Variants in CHLSN observed in about 807,000 individuals in gnomAD.
The protein encoded by CHLSN is cholesin, also known as protein cholesin.
At chr7:1,113,093 T>TGCAGGGCGCAC in the CHLSN span, among the ~76,000 whole-genome samples, 1 of 152,070 alleles carries the variant, frequency 6.6e-6, no homozygotes, top group Non-Finnish European at 1.5e-5. Flanking sequence ...CTGGAAAAAC[T>TGCAGGGCGCAC]GCAGGGCGCA....
chr7:1,107,521 C>T, the CHLSN span, among the ~76,000 whole-genome samples: 3 of 152,216 alleles, frequency 2.0e-5, no homozygotes, highest in African/African-American at 4.8e-5. Context: ...TCACAGAATT[C>T]GCCGTGGCTT....
At chr7:997,924 G>A in the CHLSN span, 2 of 914,414 alleles carry the variant, frequency 2.2e-6, no homozygotes, top group Non-Finnish European at 3.3e-6. Flanking sequence ...TCCCACTGCG[G>A]CCCGAGGGTG....
chr7:998,529 C>T, the CHLSN span, among the ~76,000 whole-genome samples: 1 of 143,432 alleles, frequency 7.0e-6, no homozygotes, highest in African/African-American at 2.6e-5. Context: ...GGCACGATCT[C>T]CACCTCCCAG....
chr7:1,131,154 G>GCACTC, the CHLSN span, among the ~76,000 whole-genome samples: 1 of 141,646 alleles, frequency 7.1e-6, no homozygotes, highest in Non-Finnish European at 1.5e-5. Context: ...CTGTACCACT[G>GCACTC]CACTCCAGCC....
At chr7:1,085,635 C>A in the CHLSN span, among the ~76,000 whole-genome samples, 1 of 151,346 alleles carries the variant, frequency 6.6e-6, no homozygotes, top group Non-Finnish European at 1.5e-5. Context: ...GAGTTCAAGA[C>A]CAGCCTTGGC....
At chr7:1,050,297 A>G in the CHLSN span, among the ~76,000 whole-genome samples, 1 of 152,208 alleles carries the variant, frequency 6.6e-6, no homozygotes, top group African/African-American at 2.4e-5. Flanking sequence ...TCAGGTTTAG[A>G]TCAGGAACAG....
the CHLSN span, chr7:985,379 C>T: frequency 1.3e-6 from 2 of 1,523,832 alleles, no homozygotes; most frequent in East Asian, 4.9e-5. Context: ...GATGGGCGTG[C>T]AGCAGGAGGA....
chr7:1,008,846 C>CACACATAAAT, the CHLSN span, among the ~76,000 whole-genome samples: 1 of 148,748 alleles, frequency 6.7e-6, no homozygotes, highest in Non-Finnish European at 1.5e-5. Context: ...TACACACGCA[C>CACACATAAAT]ACACGTAAAC....
chr7:1,070,473 A>T, the CHLSN span, among the ~76,000 whole-genome samples: 3 of 151,954 alleles, frequency 2.0e-5, no homozygotes, highest in African/African-American at 4.8e-5. Context: ...ACATGCACGC[A>T]CATACGCACA....
the CHLSN span, chr7:1,093,561 A>C: frequency 2.8e-5 from 13 of 471,018 alleles, no homozygotes; most frequent in African/African-American, 1.8e-4. Context: ...GGGGTGGTTC[A>C]GTCACTGCTT....
the CHLSN span, chr7:987,235 G>A: frequency 1.5e-5 from 23 of 1,531,182 alleles, no homozygotes; most frequent in African/African-American, 1.8e-4. Flanking sequence ...GCCGGCACCC[G>A]GACGTGCAGG....
At chr7:1,011,033 AG>A in the CHLSN span, among the ~76,000 whole-genome samples, 1 of 150,522 alleles carries the variant, frequency 6.6e-6, no homozygotes, top group Non-Finnish European at 1.5e-5. Context: ...GAGTGAGGCA[AG>A]CCCCCCTACA....
At chr7:982,799 G>A in the CHLSN span, among the ~76,000 whole-genome samples, 1 of 152,242 alleles carries the variant, frequency 6.6e-6, no homozygotes, top group Non-Finnish European at 1.5e-5. Flanking sequence ...CTCAGAGCCT[G>A]TGAAAGGCAG....
the CHLSN span, among the ~76,000 whole-genome samples, chr7:1,119,304 G>A: frequency 1.2e-4 from 19 of 152,258 alleles, no homozygotes; most frequent in Admixed American, 9.8e-4. Flanking sequence ...TAAATGTAAA[G>A]CCAGACACAG....
At chr7:1,016,749 CA>C in the CHLSN span, among the ~76,000 whole-genome samples, 1 of 113,784 alleles carries the variant, frequency 8.8e-6, no homozygotes, top group Non-Finnish European at 1.7e-5. Context: ...CAGCGCACAG[CA>C]GCACACGCCA....
At chr7:1,084,753 C>G in the CHLSN span, among the ~76,000 whole-genome samples, 2 of 152,244 alleles carry the variant, frequency 1.3e-5, no homozygotes, top group Non-Finnish European at 2.9e-5. Flanking sequence ...AGAGACGTTG[C>G]CCGGTATCAC....
the CHLSN span, chr7:988,726 G>C: frequency 8.1e-6 from 13 of 1,599,420 alleles, no homozygotes; most frequent in African/African-American, 1.3e-5. Context: ...TGCTGCCCCC[G>C]CCTGGCGTCA....
At chr7:1,005,296 A>G in the CHLSN span, among the ~76,000 whole-genome samples, 1 of 152,198 alleles carries the variant, frequency 6.6e-6, no homozygotes, top group African/African-American at 2.4e-5. Flanking sequence ...TCTCAAAACA[A>G]ACAAATCAAC....
chr7:1,005,054 G>C, the CHLSN span, among the ~76,000 whole-genome samples: 4 of 152,334 alleles, frequency 2.6e-5, no homozygotes, highest in South Asian at 8.3e-4. Context: ...GAGCACTTTG[G>C]GAGGCCGAGG....
Sources: allele counts gnomAD v4.1 joint callset (sites outside exome capture counted in the v4.1 genomes callset), GRCh38; gene constraint gnomAD v4.1.1; transcripts MANE v1.5; gene names NCBI Gene and HGNC (gene_info 2026-07-23, HGNC 2026-07-21).